UBE3B: variants seen among roughly 807,000 people sequenced by gnomAD.
The protein encoded by UBE3B is ubiquitin protein ligase E3B.
UBE3B carries 80 observed loss-of-function variants against 132.3 expected under a neutral mutation model. That is an observed-to-expected ratio of 0.60 (90% CI 0.50 to 0.73). UBE3B has a LOEUF of 0.73. Ranked by LOEUF, UBE3B falls within the 30% of genes least tolerant of loss-of-function variation. The pLI is 0.00. For missense variants in UBE3B, 1,196 were observed against 1,362.5 expected, an observed-to-expected ratio of 0.88 and a Z score of 1.92; for synonymous variants, 487 against 520.4, an observed-to-expected ratio of 0.94 and a Z score of 0.87.
chr12:109,484,295 G>A (rs1306839915), intron 4 of UBE3B, among the ~76,000 whole-genome samples: 1 of 152,220 alleles, frequency 6.6e-6, no homozygotes, highest in Admixed American at 6.5e-5. Context: ...AACGGTAACT[G>A]ACAGGCAGCA....
the UBE3B span, among the ~76,000 whole-genome samples, chr12:109,545,948 T>C: frequency 2.6e-5 from 4 of 152,170 alleles, no homozygotes; most frequent in African/African-American, 9.6e-5. Flanking sequence ...CCCTGCACTT[T>C]GGAAGCTCAC....
intron 26 of UBE3B, among the ~76,000 whole-genome samples, chr12:109,531,469 C>T (rs1882932746): frequency 6.6e-6 from 1 of 152,162 alleles, no homozygotes; most frequent in East Asian, 1.9e-4. Flanking sequence ...GAACATTTTG[C>T]CATGTTCTGG....
intron 1 of UBE3B, among the ~76,000 whole-genome samples, chr12:109,481,313 C>CA (rs34653918): frequency 0.016 from 1,952 of 122,074 alleles, 28 homozygotes; most frequent in African/African-American, 0.046. Context: ...GAGACTATCT[C>CA]AAAAAAAAAA....
downstream of UBE3B, among the ~76,000 whole-genome samples, chr12:109,541,214 C>T (rs1260804043): frequency 6.6e-6 from 1 of 152,210 alleles, no homozygotes; most frequent in Non-Finnish European, 1.5e-5. Flanking sequence ...ATCCTGCAGG[C>T]AGCAGGGGCT....
Position 109,503,170 on chromosome 12 carries a change from T to G in UBE3B, c.1430T>G (p.Ile477Ser), listed in dbSNP as rs1879209451. ...ACCTCGCTGACAACTCTCACACAGA[T>G]TCGGCTGCAGATACTCACAGGTTCG... ...YQTSLTTLTQ[I>S]RLQILTGLTY... The change falls in exon 14 of 28, where the codon ATT (isoleucine) becomes AGT (serine). Residue 477 changes from isoleucine (I) to serine (S), a missense_variant. Coordinates refer to ENST00000342494, the MANE Select transcript of UBE3B (RefSeq NM_130466.4). 6.2e-7 allele frequency: 1 copy of G among 1,614,086 alleles called. No individual in the cohort carries two copies. The highest frequency in any genetic ancestry group is 1.3e-5 in the African/African-American group (1 of 74,948).
Position 109,486,469 on chromosome 12 carries a change from AGGTGT to A in UBE3B, c.345_349del (p.Trp116CysfsTer7). The A allele has an allele frequency of 6.3e-7, 1 of 1,587,558 alleles. No individual in the cohort carries two copies. Among genetic ancestry groups the A allele is most frequent in the Non-Finnish European group, 8.6e-7 (1 of 1,166,290 alleles). ...TGACATTCCTCTTTTTCCCACCTAT[AGGTGT>A]GGTATGTGTCCCTGGCTTGTTCTAA... On this transcript the variant is annotated splice_acceptor_variant and coding_sequence_variant, in exon 6 of 28. Transcript: ENST00000342494. LOFTEE classifies it high-confidence loss of function.
intron 18 of UBE3B, among the ~76,000 whole-genome samples, chr12:109,514,998 C>T (rs1357396207): frequency 3.3e-5 from 5 of 151,732 alleles, no homozygotes; most frequent in African/African-American, 2.4e-5. Flanking sequence ...ACTGCAAGCT[C>T]CACCTACCGG....
At position 109,535,648 on chromosome 12, in the gene UBE3B, T is replaced by G. The variant is rs1315754758; in HGVS notation, c.*866T>G. On this transcript the variant is annotated 3_prime_UTR_variant, in exon 28 of 28. Transcript: ENST00000342494. ...CTTATTTGTCTCACTGGTTATCTAATGAGGAACAAACACTAACCTAAGGTA... is the reference window on the plus strand; with the variant it reads ...CTTATTTGTCTCACTGGTTATCTAAGGAGGAACAAACACTAACCTAAGGTA... 1 of 152,164 alleles carries G rather than the reference T, an allele frequency of 6.6e-6. No homozygotes were observed. The highest frequency in any genetic ancestry group is 1.5e-5 in the Non-Finnish European group (1 of 68,026). The allele number at this position is 152,164 out of a possible 1,614,324, so 9.4% of individuals were successfully genotyped here. A position where few individuals can be genotyped will look rare whatever the true frequency, so the allele number is the denominator to read the frequency against.
chr12:109,530,636 A>C lies in UBE3B; in HGVS notation c.2900A>C (p.Asp967Ala). 1.2e-6 allele frequency: 2 copies of C among 1,614,204 alleles called. No homozygotes were observed. The highest frequency in any genetic ancestry group is 1.7e-6 in the Non-Finnish European group (2 of 1,180,030). ...WDILASDFTP[D>A]ERAMFLKFVT... ...ATTCTGGCCTCCGACTTCACACCGGATGAGAGAGCTATGTTTCTGAAGGTA... is the reference window on the plus strand; with the variant it reads ...ATTCTGGCCTCCGACTTCACACCGGCTGAGAGAGCTATGTTTCTGAAGGTA... The change falls in exon 26 of 28, where the codon GAT (aspartate) becomes GCT (alanine). Residue 967 changes from aspartate to alanine, a missense_variant. By Grantham distance (126) the Asp-to-Ala change is moderately radical (BLOSUM62 -2). Coordinates refer to ENST00000342494, the MANE Select transcript of UBE3B (RefSeq NM_130466.4).
intron 22 of UBE3B, 138 bp from the exon 23 acceptor site, chr12:109,524,300 G>T: frequency 7.4e-7 from 1 of 1,346,116 alleles, no homozygotes; most frequent in Admixed American, 2.0e-5. Context: ...TCAAAGTCAC[G>T]AATGACTTTC....
At chr12:109,498,206 G>T in intron 10 of UBE3B, 27 bp from the exon 11 acceptor site, 1 of 1,612,574 alleles carries the variant, frequency 6.2e-7, no homozygotes, top group South Asian at 1.1e-5. Flanking sequence ...GGCAGTTTCT[G>T]ATTTAACGGT....
At chr12:109,497,990 A>G in intron 10 of UBE3B, 67 bp downstream of exon 10, 1 of 1,546,436 alleles carries the variant, frequency 6.5e-7, no homozygotes, top group South Asian at 1.1e-5. Context: ...TAAACATTAG[A>G]AAGTAAAATG....
At chr12:109,494,057 C>T (rs1308970626) in intron 9 of UBE3B, among the ~76,000 whole-genome samples, 1 of 152,110 alleles carries the variant, frequency 6.6e-6, no homozygotes, top group East Asian at 1.9e-4. Context: ...AACTCCTGGC[C>T]TCAAGCGATC....
In UBE3B at chr12:109,524,520, G is replaced by T. The variant is rs1371278850; in HGVS notation, c.2568+17G>T. On this transcript the variant is annotated intron_variant, in intron 23 of 27. Transcript: ENST00000342494. ...ATGGGTCAGGTAGGTCCGCCCTTTG[G>T]CTGAGCTCCCTTTCCACTGCCCCCA... 8 of 1,613,352 alleles carry T rather than the reference G, an allele frequency of 5.0e-6. No homozygotes were observed. Among genetic ancestry groups the T allele is most frequent in the South Asian group, 2.2e-5 (2 of 91,006 alleles).
downstream of UBE3B, among the ~76,000 whole-genome samples, chr12:109,540,845 T>C (rs1883595526): frequency 6.6e-6 from 1 of 152,204 alleles, no homozygotes; most frequent in Non-Finnish European, 1.5e-5. Context: ...CCAGAACTTG[T>C]GCTGTTGCAA....
intron 25 of UBE3B, 59 bp from the exon 26 acceptor site, chr12:109,530,488 G>C (rs1054188498): frequency 2.9e-5 from 43 of 1,465,260 alleles, no homozygotes; most frequent in Non-Finnish European, 4.0e-5. Context: ...TGACCTGCCT[G>C]CCTGTCCATA....
intron 9 of UBE3B, among the ~76,000 whole-genome samples, chr12:109,496,369 CAT>C (rs1878210459): frequency 6.6e-6 from 1 of 152,190 alleles, no homozygotes; most frequent in African/African-American, 2.4e-5. Flanking sequence ...TTTGTATAGA[CAT>C]ATGTTTTCAT....
chr12:109,533,385 C>T (rs772641598), intron 26 of UBE3B, 81 bp from the exon 27 acceptor site: 7 of 1,288,052 alleles, frequency 5.4e-6, no homozygotes, highest in Non-Finnish European at 7.9e-6. Context: ...ACAGAGCAAA[C>T]ACGTGCTACA....
chr12:109,525,484 G>T (rs1009772753), intron 23 of UBE3B, among the ~76,000 whole-genome samples: 3 of 152,162 alleles, frequency 2.0e-5, no homozygotes, highest in African/African-American at 7.2e-5. Flanking sequence ...AAACCCACTG[G>T]TGCCACCTGA....
Sources: gnomAD v4.1 joint callset for allele counts (sites outside exome capture counted in the v4.1 genomes callset) on GRCh38, gnomAD v4.1.1 for gene constraint, MANE v1.5 for transcripts, NCBI Gene and HGNC (gene_info 2026-07-23, HGNC 2026-07-21) for gene names.